The following CLDN7 variants were observed in gnomAD, a reference collection of about 807,000 sequenced individuals.
CLDN7 encodes the protein claudin-7.
Under a neutral mutation model 20.3 loss-of-function variants are expected in CLDN7, and 15 were observed. The observed-to-expected ratio is 0.74, with a 90% CI of 0.49 to 1.14. CLDN7 has a LOEUF of 1.14. Ranked by LOEUF, CLDN7 falls within the 50% of genes most tolerant of loss-of-function variation. The probability of loss-of-function intolerance (pLI) is 0.00; values close to 1 mark genes in which losing one functional copy is unlikely to be tolerated. For synonymous variants in CLDN7, 117 were observed against 106.1 expected, an observed-to-expected ratio of 1.10 and a Z score of -0.63; for missense variants, 261 against 274.2, an observed-to-expected ratio of 0.95 and a Z score of 0.34.
rs1379386241 is a variant in CLDN7 at position 7,260,938 on chromosome 17, C to T, written c.271G>A (p.Gly91Ser). Residue 91 changes from glycine (G) to serine (S), a missense_variant, in exon 2 of 4, where the codon GGC (glycine) becomes AGC (serine). Around this residue, in one of 2 missense-constraint regions of CLDN7, gnomAD observed 215 missense variants for 199.6 expected, o/e 1.08. Transcript: ENST00000360325. The stretch of plus-strand genomic sequence containing the variant: ...GTGGCCACAAACATGGCCAGGAAGC[C>T]CAGCACCAGGGAGACCACCATTAGG... ...RALMVVSLVL[G>S]FLAMFVATMG... 4.3e-6 allele frequency: 7 copies of T among 1,613,958 alleles called. No homozygotes were observed. The East Asian group carries it at 8.9e-5, about 21-fold the overall frequency.
chr17:7,260,458 A>C lies in CLDN7; in HGVS notation c.552T>G (p.Cys184Trp), dbSNP rs769734637. The part of the protein sequence containing the change: ...LVILGGALLS[C>W]SCPGNESKAG... ...CCTTGCTCTCATTCCCAGGACAGGAACAGGAGAGCAGTGCACCTCCCAGGA... is the reference window on the plus strand; with the variant it reads ...CCTTGCTCTCATTCCCAGGACAGGACCAGGAGAGCAGTGCACCTCCCAGGA... Residue 184 changes from cysteine to tryptophan, a missense_variant, in exon 4 of 4, where the codon TGT becomes TGG. This residue lies in a region of CLDN7 where 215 missense variants were observed against 199.6 expected (regional missense o/e 1.08). Transcript: ENST00000360325. 4 of 1,613,900 alleles carry C rather than the reference A, an allele frequency of 2.5e-6. No individual in the cohort carries two copies. The East Asian group carries it at 8.9e-5, about 36-fold the overall frequency.
chr17:7,261,682 G>A (rs1306386523), intron 1 of CLDN7, 139 bp downstream of exon 1: 5 of 220,602 alleles, frequency 2.3e-5, no homozygotes, highest in Middle Eastern at 1.4e-3. Flanking sequence ...CAGCCCCGCC[G>A]CCCCCAGCCG....
In CLDN7 at chr17:7,261,102, C is replaced by G; in HGVS notation, c.224-117G>C. The G allele has an allele frequency of 2.1e-6, 3 of 1,402,932 alleles. No homozygotes were observed. The African/African-American group carries it at 4.3e-5, about 20-fold the overall frequency. 86.9% of individuals were successfully genotyped at this position (1,402,932 alleles called of 1,614,324 possible). A position where few individuals can be genotyped will look rare whatever the true frequency, so the allele number is the denominator to read the frequency against. ...TCTTCTGTCCGGCGCCGTGTTCTGC[C>G]GAGGGCCAGGGGCGCCCAGGTGTCC... On this transcript the variant is annotated intron_variant, in intron 1 of 3. Transcript: ENST00000360325.
chr17:7,262,053 C>T lies in CLDN7; in HGVS notation c.-10G>A. The T allele has an allele frequency of 1.3e-6, 2 of 1,594,352 alleles. No homozygotes were observed. Among genetic ancestry groups the T allele is most frequent in the Non-Finnish European group, 1.7e-6 (2 of 1,173,202 alleles). On this transcript the variant is annotated 5_prime_UTR_variant, in exon 1 of 4. Coordinates refer to ENST00000360325, the MANE Select transcript of CLDN7 (RefSeq NM_001307.6). The surrounding 1 kb of genome is among the most constrained non-coding windows in gnomAD (Gnocchi z 6.6). ...GGCCCGAATTGGCCATTTCCGCCCTCAGAAAACACTGGGGGCGCCGGGCGG... is the reference window on the plus strand; with the variant it reads ...GGCCCGAATTGGCCATTTCCGCCCTTAGAAAACACTGGGGGCGCCGGGCGG...
intron 1 of CLDN7, 142 bp downstream of exon 1, chr17:7,261,678 CG>C: frequency 5.9e-6 from 4 of 678,200 alleles, no homozygotes; most frequent in East Asian, 3.5e-5. Flanking sequence ...CGCCCAGCCC[CG>C]CCGCCCCCAG....
At position 7,260,818 on chromosome 17, in the gene CLDN7, C is replaced by T. The variant is rs755628370; in HGVS notation, c.388+3G>A. ...TCCCAGATGGGAGAACCCGGGGGCT[C>T]ACCTGCCACGATGAAAATTATGCCT... On this transcript the variant is annotated splice_donor_region_variant and intron_variant, in intron 2 of 3. Transcript: ENST00000360325. The T allele has an allele frequency of 1.6e-4, 253 of 1,614,088 alleles. No individual in the cohort carries two copies. Among genetic ancestry groups the T allele is most frequent in the Non-Finnish European group, 2.1e-4 (244 of 1,180,042 alleles).
At position 7,260,238 on chromosome 17, in the gene CLDN7, A is replaced by C; in HGVS notation, c.*136T>G. 1 of 770,818 alleles carries C rather than the reference A, an allele frequency of 1.3e-6. No homozygotes were observed. Among genetic ancestry groups the C allele is most frequent in the Non-Finnish European group, 2.0e-6 (1 of 505,016 alleles). 47.7% of individuals were successfully genotyped at this position (770,818 alleles called of 1,614,324 possible). Reference sequence around the variant, plus strand: ...CCCCCACCCCCAACCCAAGAGGACTATACATGGAGTGCAGGGACAGAGTGA... The same window carrying C: ...CCCCCACCCCCAACCCAAGAGGACTCTACATGGAGTGCAGGGACAGAGTGA... On this transcript the variant is annotated 3_prime_UTR_variant, in exon 4 of 4. Coordinates refer to ENST00000360325, the MANE Select transcript of CLDN7 (RefSeq NM_001307.6).
chr17:7,260,444 T>G lies in CLDN7; in HGVS notation c.566A>C (p.Asn189Thr), dbSNP rs747934368. 8.7e-6 allele frequency: 14 copies of G among 1,613,810 alleles called. No individual in the cohort carries two copies. The Admixed American group carries it at 2.2e-4, about 25-fold the overall frequency. Residue 189 changes from asparagine (N) to threonine (T), a missense_variant, in exon 4 of 4, where the codon AAT becomes ACT. This residue lies in a region of CLDN7 where 215 missense variants were observed against 199.6 expected (regional missense o/e 1.08). Transcript: ENST00000360325. ...GALLSCSCPG[N>T]ESKAGYRVPR... ...TACACGGTACCCAGCCTTGCTCTCA[T>G]TCCCAGGACAGGAACAGGAGAGCAG...
intron 1 of CLDN7, chr17:7,261,195 C>T (rs1332862146): frequency 7.7e-6 from 5 of 645,508 alleles, no homozygotes; most frequent in Admixed American, 3.1e-5. Context: ...CCCGCCCCGC[C>T]CTCTCCGCTC....
At chr17:7,262,917 C>G (rs775894437), upstream of CLDN7, 1 of 152,190 alleles carries the variant, frequency 6.6e-6, no homozygotes, top group Non-Finnish European at 1.5e-5. This position sits in a 1 kb window ranked among gnomAD's most constrained non-coding sequence, Gnocchi z 6.6. Flanking sequence ...CCTGCTTTCG[C>G]CCCCACCCGC....
Position 7,260,118 on chromosome 17 carries a change from C to G in CLDN7, c.*256G>C. 2.6e-6 allele frequency: 1 copy of G among 378,606 alleles called. No homozygotes were observed. The highest frequency in any genetic ancestry group is 4.7e-6 in the Non-Finnish European group (1 of 210,692). The allele number at this position is 378,606 out of a possible 1,614,324, so 23.5% of individuals were successfully genotyped here. A position where few individuals can be genotyped will look rare whatever the true frequency, so the allele number is the denominator to read the frequency against. ...ATCTGGACGGGAGGAAAGCAGAGGC[C>G]CTGAAGGGAAAAAAGCCTGCTTCCC... On this transcript the variant is annotated 3_prime_UTR_variant, in exon 4 of 4. Coordinates refer to ENST00000360325, the MANE Select transcript of CLDN7 (RefSeq NM_001307.6).
intron 1 of CLDN7, among the ~76,000 whole-genome samples, 165 bp downstream of exon 1, chr17:7,261,656 C>G (rs1167260907): frequency 1.3e-5 from 2 of 152,072 alleles, no homozygotes; most frequent in Non-Finnish European, 2.9e-5. Context: ...CGCCGGAACC[C>G]CGGCCCGCTC....
At position 7,260,115 on chromosome 17, in the gene CLDN7, G is replaced by C. The variant is rs78296367; in HGVS notation, c.*259C>G. The C allele has an allele frequency of 3.2e-3, 1,174 of 372,368 alleles. 32 individuals carry two copies. The East Asian group carries it at 0.048, about 15-fold the overall frequency. 23.1% of individuals were successfully genotyped at this position (372,368 alleles called of 1,614,324 possible). On this transcript the variant is annotated 3_prime_UTR_variant, in exon 4 of 4. Coordinates refer to ENST00000360325, the MANE Select transcript of CLDN7 (RefSeq NM_001307.6). ...AGGATCTGGACGGGAGGAAAGCAGA[G>C]GCCCTGAAGGGAAAAAAGCCTGCTT...
At chr17:7,261,440 C>G (rs1187013360) in intron 1 of CLDN7, among the ~76,000 whole-genome samples, 1 of 152,162 alleles carries the variant, frequency 6.6e-6, no homozygotes, top group Non-Finnish European at 1.5e-5. Context: ...GCCGCACCGC[C>G]CTTCGGCCCT....
At chr17:7,261,058 G>A (rs1298946435) in intron 1 of CLDN7, 73 bp from the exon 2 acceptor site, 9 of 1,511,374 alleles carry the variant, frequency 6.0e-6, no homozygotes, top group Admixed American at 2.1e-5. Context: ...CGCCGGCCGC[G>A]CCCACTAACC....
At position 7,260,993 on chromosome 17, in the gene CLDN7, C is replaced by T. The variant is rs111255205; in HGVS notation, c.224-8G>A. 3 of 1,604,928 alleles carry T rather than the reference C, an allele frequency of 1.9e-6. No homozygotes were observed. Among genetic ancestry groups the T allele is most frequent in the Non-Finnish European group, 2.5e-6 (3 of 1,178,318 alleles). On this transcript the variant is annotated splice_region_variant and splice_polypyrimidine_tract_variant and intron_variant, in intron 1 of 3. Transcript: ENST00000360325. ...GAGTGGCCTGCAAGGCCGCTGCGGG[C>T]GAGGGGAAAGGGCGCCGTCATTGCT...
In CLDN7 at chr17:7,260,938, C is replaced by CCA; in HGVS notation, c.269_270dup (p.Gly91TrpfsTer13). On this transcript the variant is annotated frameshift_variant, in exon 2 of 4. Transcript: ENST00000360325. LOFTEE classifies it high-confidence loss of function. ...GTGGCCACAAACATGGCCAGGAAGC[C>CCA]CAGCACCAGGGAGACCACCATTAGG... The CCA allele has an allele frequency of 6.2e-7, 1 of 1,613,958 alleles. No individual in the cohort carries two copies. The highest frequency in any genetic ancestry group is 8.5e-7 in the Non-Finnish European group (1 of 1,180,030).
intron 1 of CLDN7, 134 bp downstream of exon 1, chr17:7,261,687 C>CCCCCCCCCCCACA: frequency 1.2e-6 from 1 of 805,950 alleles, no homozygotes; most frequent in Non-Finnish European, 1.8e-6. Context: ...CCGCCGCCCC[C>CCCCCCCCCCCACA]AGCCGACCAC....
rs2072237341 is a variant in CLDN7, at chr17:7,262,149, C to T, written c.-106G>A. The T allele has an allele frequency of 1.4e-6, 2 of 1,479,044 alleles. No homozygotes were observed. Among genetic ancestry groups the T allele is most frequent in the Non-Finnish European group, 1.8e-6 (2 of 1,117,950 alleles). 91.6% of individuals were successfully genotyped at this position (1,479,044 alleles called of 1,614,324 possible). On this transcript the variant is annotated 5_prime_UTR_variant, in exon 1 of 4. Transcript: ENST00000360325. The surrounding 1 kb of genome is among the most constrained non-coding windows in gnomAD (Gnocchi z 6.6). ...AAAAGAAAACTTGAGGTGGAGTTTT[C>T]CGGTCACCCAAAGAGACAAAAAGGG...
Sources: gnomAD v4.1 joint callset for allele counts (sites outside exome capture counted in the v4.1 genomes callset) on GRCh38, gnomAD v4.1.1 for gene constraint, gnomAD v4.1.1 regional missense constraint, Gnocchi (gnomAD v3.1) non-coding constraint, MANE v1.5 for transcripts, NCBI Gene and HGNC (gene_info 2026-07-23, HGNC 2026-07-21) for gene names.